The following TMEM163 variants were observed in gnomAD, a reference collection of about 807,000 sequenced individuals.
The protein encoded by TMEM163 is transmembrane protein 163.
A neutral mutation model predicts 29.3 loss-of-function variants in TMEM163; 17 were observed. That is an observed-to-expected ratio of 0.58 (90% CI 0.40 to 0.87). The LOEUF is 0.87. Among genes scored for constraint, TMEM163 ranks in the 40% least tolerant of loss-of-function variants. The pLI is 0.00. For missense variants in TMEM163, 303 were observed against 381.5 expected, an observed-to-expected ratio of 0.79 and a Z score of 1.71; for synonymous variants, 157 against 160.6, an observed-to-expected ratio of 0.98 and a Z score of 0.17.
chr2:134,708,939 AC>A (rs1684872188), intron 2 of TMEM163, among the ~76,000 whole-genome samples: 2 of 152,190 alleles, frequency 1.3e-5, no homozygotes, highest in African/African-American at 4.8e-5. Context: ...GGTTTGGAGT[AC>A]TTTTTTAACG....
At chr2:134,605,239 C>A (rs997727426) in intron 2 of TMEM163, among the ~76,000 whole-genome samples, 3 of 151,566 alleles carry the variant, frequency 2.0e-5, no homozygotes, top group Non-Finnish European at 2.9e-5. Context: ...CTTGCAGGGG[C>A]CTTCTGATTG....
chr2:134,542,101 A>G (rs1303303498), intron 4 of TMEM163, among the ~76,000 whole-genome samples: 3 of 152,218 alleles, frequency 2.0e-5, no homozygotes, highest in Non-Finnish European at 4.4e-5. Flanking sequence ...GTTTTCTTAC[A>G]ATTTTATTAC....
At chr2:134,591,908 TA>T (rs74672779) in intron 2 of TMEM163, among the ~76,000 whole-genome samples, 94 of 142,566 alleles carry the variant, frequency 6.6e-4, no homozygotes, top group East Asian at 1.5e-3. Context: ...CAGTGTTGAT[TA>T]AAAAAAAAAA....
chr2:134,541,797 C>CACAT (rs1553478995), intron 4 of TMEM163, among the ~76,000 whole-genome samples: 2 of 138,144 alleles, frequency 1.4e-5, no homozygotes, highest in Admixed American at 7.2e-5. Flanking sequence ...CACACACACA[C>CACAT]ACACATACAC....
At chr2:134,713,721 G>A (rs999998998) in intron 1 of TMEM163, 6 of 457,696 alleles carry the variant, frequency 1.3e-5, no homozygotes, top group African/African-American at 1.2e-4. Context: ...ACATTCAGCT[G>A]GGCCTTCAGG....
intron 5 of TMEM163, among the ~76,000 whole-genome samples, chr2:134,470,231 C>T (rs1280762699): frequency 6.6e-6 from 1 of 152,060 alleles, no homozygotes; most frequent in Non-Finnish European, 1.5e-5. Context: ...GTGGCGGGCG[C>T]CTGTAGTCCT....
intron 2 of TMEM163, among the ~76,000 whole-genome samples, chr2:134,605,622 CG>C: frequency 6.6e-6 from 1 of 150,410 alleles, no homozygotes; most frequent in East Asian, 2.0e-4. Flanking sequence ...CACTGGAACC[CG>C]GGAGGTGAGC....
At chr2:134,531,342 A>G (rs4954152) in intron 4 of TMEM163, among the ~76,000 whole-genome samples, 53,900 of 152,084 alleles carry the variant, frequency 0.35, 9,782 homozygotes, top group Middle Eastern at 0.51. Flanking sequence ...GATTTTCCCC[A>G]CACACTAAGC....
chr2:134,593,862 C>G (rs765090651), intron 2 of TMEM163, among the ~76,000 whole-genome samples: 9 of 151,026 alleles, frequency 6.0e-5, no homozygotes, highest in Non-Finnish European at 8.8e-5. Context: ...TGCCGGCTGC[C>G]TTGTAGCAAT....
intron 2 of TMEM163, among the ~76,000 whole-genome samples, chr2:134,700,929 A>C (rs146355092): frequency 2.1e-5 from 3 of 139,870 alleles, no homozygotes; most frequent in African/African-American, 8.4e-5. Flanking sequence ...TAAATAAATA[A>C]ATAAATAAAT....
At chr2:134,593,451 G>A (rs546095342) in intron 2 of TMEM163, among the ~76,000 whole-genome samples, 3 of 152,136 alleles carry the variant, frequency 2.0e-5, no homozygotes, top group East Asian at 1.9e-4. Context: ...ATTAACATGC[G>A]CCAGGAAGGA....
chr2:134,703,213 C>T (rs1684739554), intron 2 of TMEM163, among the ~76,000 whole-genome samples: 1 of 151,882 alleles, frequency 6.6e-6, no homozygotes, highest in South Asian at 2.1e-4. Flanking sequence ...TAAAGGAAAT[C>T]CCAAAAAAAG....
chr2:134,468,413 T>C (rs78416367), intron 5 of TMEM163: 5,460 of 152,378 alleles, frequency 0.036, 161 homozygotes, highest in South Asian at 0.13. Context: ...AACTGTGAGA[T>C]GGAAGTGTCT....
At chr2:134,567,325 A>T (rs993351643) in intron 2 of TMEM163, among the ~76,000 whole-genome samples, 9 of 152,242 alleles carry the variant, frequency 5.9e-5, no homozygotes, top group Admixed American at 4.6e-4. Flanking sequence ...CAGATATTTT[A>T]AACTACCTAG....
intron 2 of TMEM163, among the ~76,000 whole-genome samples, chr2:134,701,369 C>A (rs1229647009): frequency 6.6e-6 from 1 of 152,124 alleles, no homozygotes; most frequent in South Asian, 2.1e-4. Flanking sequence ...TCAGGACACC[C>A]AATAAAACAG....
chr2:134,555,839 T>C (rs184323905), intron 2 of TMEM163, among the ~76,000 whole-genome samples: 41 of 152,338 alleles, frequency 2.7e-4, no homozygotes, highest in African/African-American at 8.9e-4. Context: ...AAGAGCATCC[T>C]GATTCTCCTC....
At chr2:134,640,740 C>A (rs1440767718) in intron 2 of TMEM163, among the ~76,000 whole-genome samples, 3 of 152,106 alleles carry the variant, frequency 2.0e-5, no homozygotes, top group East Asian at 1.9e-4. Context: ...CAGACTACAC[C>A]CACGCTCAGC....
At chr2:134,534,161 A>T (rs2106500296) in intron 4 of TMEM163, among the ~76,000 whole-genome samples, 1 of 152,330 alleles carries the variant, frequency 6.6e-6, no homozygotes, top group Middle Eastern at 3.4e-3. Flanking sequence ...TTTACTCATT[A>T]AATGAGTAAA....
At chr2:134,568,615 A>AGG (rs1681352344) in intron 2 of TMEM163, among the ~76,000 whole-genome samples, 1 of 151,592 alleles carries the variant, frequency 6.6e-6, no homozygotes, top group African/African-American at 2.4e-5. Context: ...AAAGAAGGAA[A>AGG]AGAAAGAAAA....
Sources: gnomAD v4.1 joint callset for allele counts (sites outside exome capture counted in the v4.1 genomes callset) on GRCh38, gnomAD v4.1.1 for gene constraint, MANE v1.5 for transcripts, NCBI Gene and HGNC (gene_info 2026-07-23, HGNC 2026-07-21) for gene names.